Variants in CFAP221 observed in about 807,000 individuals in gnomAD.
CFAP221 encodes cilia- and flagella-associated protein 221.
CFAP221 carries 97 observed loss-of-function variants against 113.1 expected under a neutral mutation model. The observed-to-expected ratio is 0.86, with a 90% CI of 0.73 to 1.02. The LOEUF is 1.02. CFAP221 is among the 50% of genes least tolerant of loss of function. CFAP221 has a pLI of 0.00. For synonymous variants in CFAP221, 331 were observed against 354.4 expected (o/e 0.93, Z 0.74); for missense variants, 1,025 against 1,013.4 (o/e 1.01, Z -0.16).
At chr2:119,658,355 G>A (rs1388192560), downstream of CFAP221, among the ~76,000 whole-genome samples, 1 of 152,120 alleles carries the variant, frequency 6.6e-6, no homozygotes, top group Non-Finnish European at 1.5e-5. Context: ...TGACCTTTCA[G>A]TGCATCCTCG....
intron 6 of CFAP221, chr2:119,573,079 A>C (rs762963615): frequency 1.3e-5 from 2 of 154,168 alleles, no homozygotes; most frequent in African/African-American, 4.8e-5. Flanking sequence ...AGCTTAAAGC[A>C]TCTGGGCCAC....
chr2:119,566,404 C>T (rs1218482140), intron 6 of CFAP221, among the ~76,000 whole-genome samples: 2 of 152,190 alleles, frequency 1.3e-5, no homozygotes, highest in East Asian at 3.8e-4. Context: ...GAAGCTATCT[C>T]CTTAAATGCC....
chr2:119,611,509 T>G, intron 12 of CFAP221, 144 bp from the exon 13 acceptor site: 2 of 634,658 alleles, frequency 3.2e-6, no homozygotes, highest in East Asian at 5.7e-5. Context: ...CTGATCTTTT[T>G]TACCCACTTG....
At chr2:119,586,581 A>C (rs1016313197) in intron 6 of CFAP221, 1 of 152,328 alleles carries the variant, frequency 6.6e-6, no homozygotes, top group African/African-American at 2.4e-5. Flanking sequence ...GCTTATTTCA[A>C]TCAAACACAG....
At chr2:119,579,018 C>T (rs1349028584) in intron 6 of CFAP221, among the ~76,000 whole-genome samples, 1 of 152,058 alleles carries the variant, frequency 6.6e-6, no homozygotes, top group Non-Finnish European at 1.5e-5. Context: ...AAAATTTCCA[C>T]ATGATTGTAA....
chr2:119,604,796 C>T lies in CFAP221; in HGVS notation c.912+4C>T, dbSNP rs375042155. On this transcript the variant is annotated splice_donor_region_variant and intron_variant, in intron 9 of 23. Coordinates refer to ENST00000413369, the MANE Select transcript of CFAP221 (RefSeq NM_001271049.2). ...GCCGAAGCCTCAGAAGGTGAAGGTACGGTGGGCCTTGTCCTTGGTGCGATG... is the reference window on the plus strand; with the variant it reads ...GCCGAAGCCTCAGAAGGTGAAGGTATGGTGGGCCTTGTCCTTGGTGCGATG... 259 of 1,573,308 alleles carry T rather than the reference C, an allele frequency of 1.6e-4. No individual in the cohort carries two copies. The highest frequency in any genetic ancestry group is 2.1e-4 in the Non-Finnish European group (239 of 1,159,970).
intron 21 of CFAP221, among the ~76,000 whole-genome samples, chr2:119,643,402 C>G (rs1322025994): frequency 1.3e-5 from 2 of 152,208 alleles, no homozygotes; most frequent in African/African-American, 2.4e-5. Flanking sequence ...TCCATAAAAT[C>G]AGAGAGTCAG....
In CFAP221 at chr2:119,609,608, TCA is replaced by T. The variant is rs1187224849; in HGVS notation, c.1221+1022_1221+1023del. ...AGTCATATTGGATTAAGACCGACTCTCACAGCCTCATTTTAACTTGGTCACTT... is the reference window on the plus strand; with the variant it reads ...AGTCATATTGGATTAAGACCGACTCTCAGCCTCATTTTAACTTGGTCACTT... On this transcript the variant is annotated intron_variant, in intron 12 of 23. Coordinates refer to ENST00000413369, the MANE Select transcript of CFAP221 (RefSeq NM_001271049.2). 2.0e-5 allele frequency among the ~76,000 whole-genome samples: 3 copies of T among 152,346 alleles called. No homozygotes were observed. In the East Asian group the frequency reaches 5.8e-4, roughly 29 times the overall value.
intron 2 of CFAP221, among the ~76,000 whole-genome samples, chr2:119,547,223 AT>A (rs1440113769): frequency 6.6e-6 from 1 of 152,234 alleles, no homozygotes; most frequent in African/African-American, 2.4e-5. Flanking sequence ...CCAGTTTTAT[AT>A]CTACTTCGTG....
intron 7 of CFAP221, among the ~76,000 whole-genome samples, chr2:119,592,724 T>C (rs1304837875): frequency 6.6e-6 from 1 of 152,214 alleles, no homozygotes; most frequent in African/African-American, 2.4e-5. Flanking sequence ...CTCTGCTGTC[T>C]GCAATCTTGA....
chr2:119,636,272 G>A (rs1369468990), intron 19 of CFAP221, among the ~76,000 whole-genome samples: 1 of 152,166 alleles, frequency 6.6e-6, no homozygotes, highest in Admixed American at 6.5e-5. Context: ...TGAAGGTCTT[G>A]GCTGTAGTTC....
At chr2:119,635,829 G>C (rs1687078583) in intron 19 of CFAP221, among the ~76,000 whole-genome samples, 1 of 152,128 alleles carries the variant, frequency 6.6e-6, no homozygotes, top group Admixed American at 6.5e-5. Context: ...GGAGGGTAAA[G>C]GGCTCTGAGA....
chr2:119,642,504 T>C (rs1687551093), intron 21 of CFAP221, among the ~76,000 whole-genome samples: 1 of 148,078 alleles, frequency 6.8e-6, no homozygotes, highest in Admixed American at 6.8e-5. Flanking sequence ...TGTCCAAACA[T>C]GGCAGAAAGG....
intron 13 of CFAP221, 59 bp from the exon 14 acceptor site, chr2:119,615,552 A>G (rs1313163092): frequency 4.1e-6 from 5 of 1,205,412 alleles, no homozygotes; most frequent in Non-Finnish European, 3.5e-6. Context: ...TTTTTATTAG[A>G]TGTTTATGAC....
At chr2:119,600,285 A>C (rs1002338648) in intron 7 of CFAP221, among the ~76,000 whole-genome samples, 1 of 152,248 alleles carries the variant, frequency 6.6e-6, no homozygotes, top group African/African-American at 2.4e-5. Flanking sequence ...ACAGTGTGAT[A>C]TTTGACTCTG....
chr2:119,647,077 C>G, intron 22 of CFAP221, 27 bp downstream of exon 22: 2 of 1,575,428 alleles, frequency 1.3e-6, no homozygotes, highest in Non-Finnish European at 1.7e-6. Flanking sequence ...TAATCTTTGG[C>G]CTCTAATGTG....
downstream of CFAP221, among the ~76,000 whole-genome samples, chr2:119,659,152 C>T (rs1475476795): frequency 1.3e-5 from 2 of 152,178 alleles, no homozygotes; most frequent in African/African-American, 4.8e-5. Flanking sequence ...GATGTATTAC[C>T]TTATGTGTTG....
At chr2:119,560,582 T>C (rs979577511) in intron 5 of CFAP221, among the ~76,000 whole-genome samples, 1 of 152,038 alleles carries the variant, frequency 6.6e-6, no homozygotes, top group African/African-American at 2.4e-5. Flanking sequence ...CTTAAAACTG[T>C]CCCCTCTGCC....
intron 2 of CFAP221, among the ~76,000 whole-genome samples, chr2:119,547,390 A>G (rs1457521771): frequency 6.6e-6 from 1 of 151,902 alleles, no homozygotes; most frequent in Non-Finnish European, 1.5e-5. Flanking sequence ...TGAAACCCCA[A>G]CTCTACTAAA....
Sources: allele counts gnomAD v4.1 joint callset (sites outside exome capture counted in the v4.1 genomes callset), GRCh38; gene constraint gnomAD v4.1.1; transcripts MANE v1.5; gene names NCBI Gene and HGNC (gene_info 2026-07-23, HGNC 2026-07-21).